Variants in TP53BP2 observed in about 807,000 individuals in gnomAD.
TP53BP2 encodes apoptosis-stimulating of p53 protein 2.
TP53BP2 carries 62 observed loss-of-function variants against 126.2 expected under a neutral mutation model. That is an observed-to-expected ratio of 0.49 (90% CI 0.40 to 0.61). The LOEUF (loss-of-function observed/expected upper bound fraction) is 0.61. TP53BP2 is among the 20% of genes least tolerant of loss of function. The pLI is 0.00. For missense variants in TP53BP2, 1,215 were observed against 1,402.8 expected (o/e 0.87, Z 2.14); for synonymous variants, 485 against 502.9 (o/e 0.96, Z 0.48).
At chr1:223,808,393 T>C (rs1662794666) in intron 4 of TP53BP2, among the ~76,000 whole-genome samples, 1 of 151,892 alleles carries the variant, frequency 6.6e-6, no homozygotes, top group Non-Finnish European at 1.5e-5. Context: ...ATATAAAAAC[T>C]AGCTGGGCAT....
chr1:223,803,525 C>A, intron 6 of TP53BP2, 73 bp from the exon 7 acceptor site: 1 of 1,415,610 alleles, frequency 7.1e-7, no homozygotes, highest in Non-Finnish European at 9.4e-7. Flanking sequence ...GGCAACCGGG[C>A]TTTACAATGA....
At chr1:223,815,197 T>C (rs1157461374) in intron 2 of TP53BP2, among the ~76,000 whole-genome samples, 1 of 152,174 alleles carries the variant, frequency 6.6e-6, no homozygotes, top group East Asian at 1.9e-4. Context: ...AAGGACACTA[T>C]CTTAACACCT....
chr1:223,821,450 A>C (rs1663306829), intron 1 of TP53BP2, 83 bp from the exon 2 acceptor site: 1 of 1,576,092 alleles, frequency 6.3e-7, no homozygotes, highest in Non-Finnish European at 8.7e-7. Context: ...CTCCAAACAA[A>C]ATCTCAGTTG....
chr1:223,798,059 G>A (rs907406662), intron 12 of TP53BP2, among the ~76,000 whole-genome samples, 156 bp downstream of exon 12: 3 of 152,060 alleles, frequency 2.0e-5, no homozygotes, highest in Non-Finnish European at 4.4e-5. Context: ...CATTTAGCAA[G>A]CACTCTTTTA....
At chr1:223,810,232 T>C (rs1330879585) in intron 4 of TP53BP2, among the ~76,000 whole-genome samples, 199 bp downstream of exon 4, 1 of 152,236 alleles carries the variant, frequency 6.6e-6, no homozygotes, top group Non-Finnish European at 1.5e-5. Flanking sequence ...TTGTGTCACA[T>C]TAAACATACA....
intron 1 of TP53BP2, among the ~76,000 whole-genome samples, chr1:223,831,825 T>G (rs992075021): frequency 6.6e-6 from 1 of 150,770 alleles, no homozygotes; most frequent in African/African-American, 2.4e-5. Flanking sequence ...TGCATAGTAA[T>G]TCATGTCAGT....
At chr1:223,800,673 T>G (rs1662499489) in intron 10 of TP53BP2, 27 bp downstream of exon 10, 1 of 1,539,800 alleles carries the variant, frequency 6.5e-7, no homozygotes, top group South Asian at 1.2e-5. Context: ...AAATTTAATG[T>G]TCAAGAGTAG....
rs3058420 is a variant in TP53BP2, at chr1:223,825,026, A to AACACACACACACACACAC, written c.28-3677_28-3660dup. ...AACCCTACCTAGAATTCCAACACCAAACACACACACACACACACACACACA... is the reference window on the plus strand; with the variant it reads ...AACCCTACCTAGAATTCCAACACCAAACACACACACACACACACACACACACACACACACACACACACA... On this transcript the variant is annotated intron_variant, in intron 1 of 17. Coordinates refer to ENST00000343537, the MANE Select transcript of TP53BP2 (RefSeq NM_001031685.3). Among the ~76,000 whole-genome samples the AACACACACACACACACAC allele has an allele frequency of 4.6e-3, 666 of 143,546 alleles. 6 individuals carry two copies. Among genetic ancestry groups the AACACACACACACACACAC allele is most frequent in the African/African-American group, 0.017 (634 of 38,352 alleles). 94.2% of individuals were successfully genotyped at this position (143,546 alleles called of 152,430 possible). A position where few individuals can be genotyped will look rare whatever the true frequency, so the allele number is the denominator to read the frequency against.
At chr1:223,845,329 C>CT in intron 1 of TP53BP2, 1 of 880,940 alleles carries the variant, frequency 1.1e-6, no homozygotes, top group Non-Finnish European at 1.4e-6. Context: ...CCTTCAAGAA[C>CT]TGCAAAAAAG....
At chr1:223,802,073 AAT>A in intron 9 of TP53BP2, 41 bp downstream of exon 9, 1 of 1,557,844 alleles carries the variant, frequency 6.4e-7, no homozygotes, top group African/African-American at 1.4e-5. Context: ...TGGGAGAAAG[AAT>A]AGTGGGGACA....
intron 16 of TP53BP2, among the ~76,000 whole-genome samples, chr1:223,786,581 CGTGTGTGTGTGT>C (rs61533251): frequency 1.4e-5 from 2 of 144,500 alleles, no homozygotes; most frequent in Admixed American, 6.9e-5. Context: ...TGCGTGTGTG[CGTGTGTGTGTGT>C]GTGTGTGTGT....
chr1:223,803,570 T>C, intron 6 of TP53BP2, 118 bp from the exon 7 acceptor site: 3 of 949,246 alleles, frequency 3.2e-6, no homozygotes, highest in Non-Finnish European at 4.4e-6. Context: ...TTTTTCAGAA[T>C]GTCCTGGAAG....
intron 1 of TP53BP2, among the ~76,000 whole-genome samples, chr1:223,840,864 T>C (rs1159517560): frequency 6.6e-6 from 1 of 152,250 alleles, no homozygotes; most frequent in Admixed American, 6.5e-5. Context: ...AGTCTAAATC[T>C]GGTTTCTCTG....
rs201740677 is a variant in TP53BP2 at position 223,788,972 on chromosome 1, C to T, written c.3163+36G>A. On this transcript the variant is annotated intron_variant, in intron 16 of 17. Coordinates refer to ENST00000343537, the MANE Select transcript of TP53BP2 (RefSeq NM_001031685.3). The stretch of plus-strand genomic sequence containing the variant: ...CCTGGAGATACAGAATAAATGAATG[C>T]AGTAATCAATACATTTAGTTCTACT... The T allele has an allele frequency of 1.1e-4, 179 of 1,585,688 alleles. No homozygotes were observed. In the Middle Eastern group the frequency reaches 1.7e-3, roughly 15 times the overall value.
intron 1 of TP53BP2, among the ~76,000 whole-genome samples, chr1:223,832,543 C>G (rs898876520): frequency 1.3e-5 from 2 of 152,208 alleles, no homozygotes; most frequent in Non-Finnish European, 2.9e-5. Flanking sequence ...ATAACCCAGT[C>G]AAGCAAAAAC....
At chr1:223,832,878 A>G (rs908840199) in intron 1 of TP53BP2, among the ~76,000 whole-genome samples, 11 of 152,170 alleles carry the variant, frequency 7.2e-5, no homozygotes, top group African/African-American at 2.7e-4. Flanking sequence ...CCACTACCCC[A>G]GCTTGAGCTT....
chr1:223,820,308 T>C (rs1663255128), intron 2 of TP53BP2, among the ~76,000 whole-genome samples: 1 of 152,192 alleles, frequency 6.6e-6, no homozygotes, highest in Non-Finnish European at 1.5e-5. Flanking sequence ...AACCTAATAT[T>C]AAAAGTTTGG....
chr1:223,784,327 C>T lies in TP53BP2; in HGVS notation c.3164-13G>A. ...TTCTCCTGAACTCCTAAAATCATGA[C>T]AGTAAGATAAAGCACAGAATATACA... On this transcript the variant is annotated splice_polypyrimidine_tract_variant and intron_variant, in intron 16 of 17. Transcript: ENST00000343537. 1.9e-6 allele frequency: 3 copies of T among 1,613,414 alleles called. No homozygotes were observed. The highest frequency in any genetic ancestry group is 2.5e-6 in the Non-Finnish European group (3 of 1,179,544).
Position 223,784,128 on chromosome 1 carries a change from C to T in TP53BP2, c.3350G>A (p.Arg1117His). Residue 1117 changes from arginine (R) to histidine (H), a missense_variant, in exon 17 of 18, where the codon CGT (arginine) becomes CAT (histidine). By Grantham distance (29) the Arg-to-His change is conservative (BLOSUM62 0). Coordinates refer to ENST00000343537, the MANE Select transcript of TP53BP2 (RefSeq NM_001031685.3). ...RLNDKEGYVPRNLLGLYPRIK... is the reference protein window; with the variant it reads ...RLNDKEGYVPHNLLGLYPRIK... ...AGAATAACTTACTCCCAGCAAGTTA[C>T]GTGGAACATATCCCTCCTTATCATT... 6.2e-7 allele frequency: 1 copy of T among 1,614,168 alleles called. No individual in the cohort carries two copies. Among genetic ancestry groups the T allele is most frequent in the Non-Finnish European group, 8.5e-7 (1 of 1,180,004 alleles).
Sources: allele counts gnomAD v4.1 joint callset (sites outside exome capture counted in the v4.1 genomes callset), GRCh38; gene constraint gnomAD v4.1.1; transcripts MANE v1.5; gene names NCBI Gene and HGNC (gene_info 2026-07-23, HGNC 2026-07-21).